SRFBP1: variants seen among roughly 807,000 people sequenced by gnomAD.
SRFBP1 encodes the protein serum response factor binding protein 1.
A neutral mutation model predicts 45.5 loss-of-function variants in SRFBP1; 47 were observed. The ratio of observed to expected loss-of-function variants is 1.03; its 90% CI spans 0.82 to 1.32. The LOEUF (loss-of-function observed/expected upper bound fraction) is 1.32. Ranked by LOEUF, SRFBP1 falls within the 40% of genes most tolerant of loss-of-function variation. The pLI is 0.00. For missense variants in SRFBP1, 621 were observed against 484.6 expected (o/e 1.28, Z -2.64); for synonymous variants, 203 against 166.3 (o/e 1.22, Z -1.70).
chr5:122,020,669 A>C lies in SRFBP1; in HGVS notation c.934A>C (p.Lys312Gln). ...AGTTAAGGAACAAAAACCACTAGAA[A>C]AAGTGTTTCTTAAAGAAGATACAGG... The part of the protein sequence containing the change: ...SSVKEQKPLE[K>Q]VFLKEDTGET... Residue 312 changes from lysine to glutamine, a missense_variant, in exon 6 of 8, where the codon AAA (lysine) becomes CAA (glutamine). Physicochemically the swap from Lys to Gln is moderately conservative, Grantham distance 53. Transcript: ENST00000339397. 3.7e-6 allele frequency: 6 copies of C among 1,614,052 alleles called. No individual in the cohort carries two copies. In the South Asian group the frequency reaches 6.6e-5, roughly 18 times the overall value.
intron 2 of SRFBP1, among the ~76,000 whole-genome samples, chr5:122,068,947 G>T (rs1002866512): frequency 6.6e-6 from 1 of 151,948 alleles, no homozygotes; most frequent in Non-Finnish European, 1.5e-5. Flanking sequence ...GGGGTCGGGG[G>T]TTGGTTCTAC....
downstream of SRFBP1, chr5:122,077,563 G>T: frequency 6.2e-7 from 1 of 1,613,086 alleles, no homozygotes; most frequent in Non-Finnish European, 8.5e-7. The surrounding 1 kb of genome is among the most constrained non-coding windows in gnomAD (Gnocchi z 4.9). Flanking sequence ...GGTTCTCCGC[G>T]CGCGAGGCGC....
Position 122,047,109 on chromosome 5 carries a change from G to T in SRFBP1, n.311+24702G>T, listed in dbSNP as rs1462666949. On this transcript the variant is annotated intron_variant and non_coding_transcript_variant, in intron 2 of 2. Transcript: ENST00000504881. ...CCATTGCTTTTGATGTTTTAGACAT[G>T]AAGTCCTTGCCCATGCCTATGTCCT... Among the ~76,000 whole-genome samples the T allele has an allele frequency of 2.6e-5, 4 of 152,184 alleles. No individual in the cohort carries two copies. The East Asian group carries it at 7.7e-4, about 29-fold the overall frequency.
downstream of SRFBP1, among the ~76,000 whole-genome samples, chr5:122,078,803 G>C (rs1341971418): frequency 2.0e-5 from 3 of 152,246 alleles, no homozygotes; most frequent in Admixed American, 1.3e-4. Context: ...GTTTTTCTGT[G>C]TGTAGGTAAT....
At chr5:122,001,610 G>A (rs1406218333) in intron 4 of SRFBP1, among the ~76,000 whole-genome samples, 2 of 142,566 alleles carry the variant, frequency 1.4e-5, no homozygotes, top group Admixed American at 7.2e-5. Flanking sequence ...GCCGGACTGC[G>A]GATTGCAGTG....
At chr5:122,008,447 GCTCAC>G (rs1451471028) in intron 4 of SRFBP1, among the ~76,000 whole-genome samples, 2 of 152,082 alleles carry the variant, frequency 1.3e-5, no homozygotes, top group Non-Finnish European at 2.9e-5. Flanking sequence ...AAAGTATAGT[GCTCAC>G]CTCTCCCTCC....
chr5:121,974,253 G>T lies in SRFBP1; in HGVS notation c.94G>T (p.Val32Phe). The T allele has an allele frequency of 6.2e-7, 1 of 1,611,524 alleles. No individual in the cohort carries two copies. The stretch of plus-strand genomic sequence containing the variant: ...TCGAGTTTTAGTTATCCGAAAACTT[G>T]TCAGGAGTGTTGGCCGACTGAAGTC... ...RIRVLVIRKL[V>F]RSVGRLKSKK... The change falls in exon 2 of 8, where the codon GTC becomes TTC. Residue 32 changes from valine to phenylalanine, a missense_variant. Coordinates refer to ENST00000339397, the MANE Select transcript of SRFBP1 (RefSeq NM_152546.3).
At chr5:121,974,117 A>G in intron 1 of SRFBP1, 79 bp from the exon 2 acceptor site, 2 of 983,340 alleles carry the variant, frequency 2.0e-6, no homozygotes, top group South Asian at 1.5e-5. Context: ...ACTAAGTCTC[A>G]AATATTAAGA....
intron 4 of SRFBP1, among the ~76,000 whole-genome samples, chr5:122,011,057 G>A (rs2112696131): frequency 6.6e-6 from 1 of 152,198 alleles, no homozygotes. Flanking sequence ...ATATGAATAT[G>A]TGGATTTATG....
intron 6 of SRFBP1, among the ~76,000 whole-genome samples, chr5:122,021,230 A>G (rs1035266328): frequency 2.6e-5 from 4 of 152,212 alleles, no homozygotes; most frequent in African/African-American, 9.7e-5. Context: ...ATTTCAGTAT[A>G]TAAGGCTGCT....
chr5:121,964,424 A>G (rs1465310394), intron 1 of SRFBP1, among the ~76,000 whole-genome samples: 1 of 152,070 alleles, frequency 6.6e-6, no homozygotes, highest in Non-Finnish European at 1.5e-5. Context: ...ACTCAAACTT[A>G]TGAGTGAGAA....
At chr5:122,072,546 C>T (rs551261468) in intron 2 of SRFBP1, among the ~76,000 whole-genome samples, 2 of 152,078 alleles carry the variant, frequency 1.3e-5, no homozygotes, top group Non-Finnish European at 1.5e-5. Flanking sequence ...GAAGTTATAC[C>T]TAGTTTTATG....
intron 2 of SRFBP1, chr5:122,074,040 C>T: frequency 6.2e-7 from 1 of 1,614,044 alleles, no homozygotes; most frequent in East Asian, 2.2e-5. Context: ...ATGCAAATCG[C>T]CTGTGGTAGC....
rs769524324 is a variant in SRFBP1 at position 122,020,815 on chromosome 5, T to C, written c.1067+13T>C. On this transcript the variant is annotated intron_variant, in intron 6 of 7. Transcript: ENST00000339397. Reference sequence around the variant, plus strand: ...AAAGCTCTAGAAGGTAAGATTCTTTTTCTATTCTGAAATAATCATTAGTTC... The same window carrying C: ...AAAGCTCTAGAAGGTAAGATTCTTTCTCTATTCTGAAATAATCATTAGTTC... The C allele has an allele frequency of 1.3e-6, 2 of 1,524,800 alleles. No homozygotes were observed. Among genetic ancestry groups the C allele is most frequent in the African/African-American group, 2.8e-5 (2 of 71,260 alleles). 94.5% of individuals were successfully genotyped at this position (1,524,800 alleles called of 1,614,324 possible).
intron 1 of SRFBP1, among the ~76,000 whole-genome samples, chr5:121,962,716 A>G (rs932136425): frequency 1.3e-5 from 2 of 152,152 alleles, no homozygotes; most frequent in African/African-American, 4.8e-5. Context: ...TCGACAAAAT[A>G]CCATTTCTAC....
chr5:121,964,623 T>A (rs1158244420), intron 1 of SRFBP1, among the ~76,000 whole-genome samples: 1 of 152,204 alleles, frequency 6.6e-6, no homozygotes, highest in Non-Finnish European at 1.5e-5. Flanking sequence ...TTCAAAGTCT[T>A]TGCTGTTGTA....
chr5:122,075,409 A>G lies in SRFBP1; in HGVS notation n.406A>G, dbSNP rs1018991331. ...CAGGAGGCCCATTTACTTACTGATG[A>G]CAACTGTGCCATTCCCAGGAATATC... On this transcript the variant is annotated non_coding_transcript_exon_variant, in exon 3 of 3. Coordinates refer to the SRFBP1 transcript ENST00000504881. 3.7e-6 allele frequency: 6 copies of G among 1,608,746 alleles called. No homozygotes were observed. Among genetic ancestry groups the G allele is most frequent in the African/African-American group, 1.3e-5 (1 of 74,718 alleles).
rs1385700867 is a variant in SRFBP1 at position 121,974,283 on chromosome 5, AAGTT to A, written c.125+3_125+6del. 23 of 1,607,942 alleles carry A rather than the reference AAGTT, an allele frequency of 1.4e-5. No homozygotes were observed. Among genetic ancestry groups the A allele is most frequent in the Non-Finnish European group, 1.9e-5 (22 of 1,175,344 alleles). ...GAGTGTTGGCCGACTGAAGTCAAAA[AAGTT>A]AGTCATTTAAAGTAATGATCTTGTG... On this transcript the variant is annotated splice_donor_variant and splice_donor_region_variant and coding_sequence_variant and intron_variant, in exon 2 of 8. Coordinates refer to ENST00000339397, the MANE Select transcript of SRFBP1 (RefSeq NM_152546.3). LOFTEE classifies it high-confidence loss of function.
chr5:121,997,979 C>T (rs1233695329), intron 4 of SRFBP1, among the ~76,000 whole-genome samples: 1 of 151,396 alleles, frequency 6.6e-6, no homozygotes, highest in African/African-American at 2.4e-5. Flanking sequence ...CCATCTCACA[C>T]CAGTTAGAAT....
Sources: gnomAD v4.1 joint callset for allele counts (sites outside exome capture counted in the v4.1 genomes callset) on GRCh38, gnomAD v4.1.1 for gene constraint, Gnocchi (gnomAD v3.1) non-coding constraint, MANE v1.5 for transcripts, NCBI Gene and HGNC (gene_info 2026-07-23, HGNC 2026-07-21) for gene names.